Variants in CNTN5 observed in about 807,000 individuals in gnomAD.
The protein encoded by CNTN5 is contactin-5.
In CNTN5, 77 loss-of-function variants were observed where a neutral mutation model predicts 129.1. The ratio of observed to expected loss-of-function variants is 0.60; its 90% CI spans 0.50 to 0.72. The LOEUF (loss-of-function observed/expected upper bound fraction) is 0.72. CNTN5 is among the 30% of genes least tolerant of loss of function. The pLI is 0.00. For synonymous variants in CNTN5, 509 were observed against 465.6 expected (o/e 1.09, Z -1.20); for missense variants, 1,478 against 1,328.8 (o/e 1.11, Z -1.75).
At chr11:100,272,429 A>G (rs1168620886) in intron 18 of CNTN5, among the ~76,000 whole-genome samples, 2 of 152,182 alleles carry the variant, frequency 1.3e-5, no homozygotes, top group Non-Finnish European at 2.9e-5. Flanking sequence ...GCTTATAATC[A>G]TTAAAATAAA....
At chr11:99,670,406 T>C (rs1315285802) in intron 3 of CNTN5, among the ~76,000 whole-genome samples, 1 of 152,154 alleles carries the variant, frequency 6.6e-6, no homozygotes, top group East Asian at 1.9e-4. Context: ...CTGTCAACAT[T>C]TCTCACCTTG....
Position 99,708,834 on chromosome 11 carries a change from G to A in CNTN5, c.56-110710G>A, listed in dbSNP as rs144136336. Among the ~76,000 whole-genome samples, 363 of 151,674 alleles carry A rather than the reference G, an allele frequency of 2.4e-3. 2 individuals carry two copies. The highest frequency in any genetic ancestry group is 7.2e-3 in the African/African-American group (297 of 41,406). ...TCTCATTTTCTTTATTCAGAGTTACGAATCCTGTCCAACTTGGCTTATATC... is the reference window on the plus strand; with the variant it reads ...TCTCATTTTCTTTATTCAGAGTTACAAATCCTGTCCAACTTGGCTTATATC... On this transcript the variant is annotated intron_variant, in intron 3 of 24. Transcript: ENST00000524871.
At chr11:99,460,071 G>A (rs946727000) in intron 2 of CNTN5, among the ~76,000 whole-genome samples, 1 of 151,830 alleles carries the variant, frequency 6.6e-6, no homozygotes, top group Non-Finnish European at 1.5e-5. Flanking sequence ...TTAGATAGTT[G>A]GACATGGAGG....
Position 100,149,839 on chromosome 11 carries a change from A to T in CNTN5, c.1581-41287A>T, listed in dbSNP as rs185060214. On this transcript the variant is annotated intron_variant, in intron 13 of 24. Transcript: ENST00000524871. ...GAACCATGAGGTGGAGCTTGCAGTG[A>T]GCCGAGCTTGTGCCACTGCATTCCA... Among the ~76,000 whole-genome samples, 32 of 149,314 alleles carry T rather than the reference A, an allele frequency of 2.1e-4. No homozygotes were observed. In the East Asian group the frequency reaches 6.2e-3, roughly 29 times the overall value.
At chr11:99,823,096 C>T (rs1197995422) in intron 4 of CNTN5, among the ~76,000 whole-genome samples, 3 of 152,130 alleles carry the variant, frequency 2.0e-5, no homozygotes, top group South Asian at 2.1e-4. Context: ...CGTACCTATT[C>T]GAACATTGGG....
chr11:99,173,859 A>G (rs1857644722), intron 1 of CNTN5, among the ~76,000 whole-genome samples: 1 of 152,206 alleles, frequency 6.6e-6, no homozygotes, highest in Non-Finnish European at 1.5e-5. Flanking sequence ...GGCAGCCCAG[A>G]CAAGAGAGAT....
intron 8 of CNTN5, among the ~76,000 whole-genome samples, chr11:99,974,257 T>C (rs956922182): frequency 6.6e-6 from 1 of 152,236 alleles, no homozygotes; most frequent in Non-Finnish European, 1.5e-5. Flanking sequence ...TGCTCATGCT[T>C]GTCTGACTGC....
intron 2 of CNTN5, among the ~76,000 whole-genome samples, chr11:99,468,798 G>A (rs181418048): frequency 2.0e-5 from 3 of 149,640 alleles, no homozygotes; most frequent in East Asian, 3.9e-4. Flanking sequence ...GCAATGTTGC[G>A]ATCTTGGCTC....
chr11:99,554,199 T>G (rs1948594149), intron 2 of CNTN5, among the ~76,000 whole-genome samples: 2 of 152,092 alleles, frequency 1.3e-5, no homozygotes, highest in Admixed American at 1.3e-4. Flanking sequence ...TCACCTTCTA[T>G]CCTCCGGTCA....
At chr11:99,980,570 T>G (rs1938269362) in intron 8 of CNTN5, among the ~76,000 whole-genome samples, 1 of 152,204 alleles carries the variant, frequency 6.6e-6, no homozygotes, top group Admixed American at 6.5e-5. Context: ...TCCCTTCCAC[T>G]ATAAATATTC....
At chr11:99,535,280 T>A (rs1422846563) in intron 2 of CNTN5, among the ~76,000 whole-genome samples, 2 of 152,164 alleles carry the variant, frequency 1.3e-5, no homozygotes, top group Non-Finnish European at 2.9e-5. Context: ...ACTGTAGCAA[T>A]GGAATGATGG....
At chr11:99,592,724 G>C (rs923615342) in intron 3 of CNTN5, among the ~76,000 whole-genome samples, 1 of 152,116 alleles carries the variant, frequency 6.6e-6, no homozygotes. Context: ...AAATATTTTT[G>C]TTTGTTTTTT....
chr11:100,113,262 T>C (rs1591267843), intron 13 of CNTN5, among the ~76,000 whole-genome samples: 1 of 150,580 alleles, frequency 6.6e-6, no homozygotes, highest in African/African-American at 2.4e-5. Flanking sequence ...AAATGTAAAG[T>C]ATTAATTAAT....
intron 6 of CNTN5, among the ~76,000 whole-genome samples, chr11:99,860,570 C>T (rs1194319767): frequency 6.6e-6 from 1 of 152,120 alleles, no homozygotes; most frequent in East Asian, 1.9e-4. Context: ...TAAATCCTTT[C>T]CTCATTGCTT....
intron 2 of CNTN5, among the ~76,000 whole-genome samples, chr11:99,477,710 G>T (rs1191572065): frequency 6.6e-6 from 1 of 151,674 alleles, no homozygotes; most frequent in East Asian, 1.9e-4. Context: ...AGCTCTTTGG[G>T]AAGCCAAGGG....
intron 3 of CNTN5, among the ~76,000 whole-genome samples, chr11:99,780,775 G>A (rs963844250): frequency 6.6e-6 from 1 of 151,988 alleles, no homozygotes; most frequent in African/African-American, 2.4e-5. Context: ...TTTGTTTGAT[G>A]TTATGACATA....
At chr11:100,304,670 A>G (rs1402759954) in intron 20 of CNTN5, among the ~76,000 whole-genome samples, 1 of 151,474 alleles carries the variant, frequency 6.6e-6, no homozygotes, top group Non-Finnish European at 1.5e-5. Flanking sequence ...GAAAAGGAAA[A>G]AGCATCAGGT....
At chr11:99,359,589 T>C (rs1027290705) in intron 2 of CNTN5, among the ~76,000 whole-genome samples, 3 of 149,448 alleles carry the variant, frequency 2.0e-5, no homozygotes, top group African/African-American at 7.3e-5. Context: ...TTATTATATA[T>C]GAAAAAATAT....
intron 2 of CNTN5, among the ~76,000 whole-genome samples, chr11:99,334,683 G>T (rs78875544): frequency 6.6e-6 from 1 of 151,902 alleles, no homozygotes; most frequent in South Asian, 2.1e-4. Flanking sequence ...TTGAATTAAG[G>T]TGTGTTGTGA....
Sources: allele counts gnomAD v4.1 joint callset (sites outside exome capture counted in the v4.1 genomes callset), GRCh38; gene constraint gnomAD v4.1.1; transcripts MANE v1.5; gene names NCBI Gene and HGNC (gene_info 2026-07-23, HGNC 2026-07-21).